NUP210: variants seen among roughly 807,000 people sequenced by gnomAD.
The protein encoded by NUP210 is nucleoporin 210.
Under a neutral mutation model 196.0 loss-of-function variants are expected in NUP210, and 151 were observed. The ratio of observed to expected loss-of-function variants is 0.77; its 90% CI spans 0.67 to 0.88. The LOEUF is 0.88. Ranked by LOEUF, NUP210 falls within the 40% of genes least tolerant of loss-of-function variation. The pLI is 0.00. For synonymous variants in NUP210, 1,070 were observed against 1,052.7 expected (o/e 1.02, Z -0.32); for missense variants, 2,314 against 2,493.7 (o/e 0.93, Z 1.53).
chr3:13,407,748 C>T (rs996840301), intron 1 of NUP210, among the ~76,000 whole-genome samples: 15 of 152,266 alleles, frequency 9.9e-5, no homozygotes, highest in African/African-American at 3.6e-4. Context: ...CTATCAGCTC[C>T]CATGGCACCG....
At chr3:13,376,470 G>A in intron 9 of NUP210, 39 bp from the exon 10 acceptor site, 2 of 1,610,554 alleles carry the variant, frequency 1.2e-6, no homozygotes, top group Non-Finnish European at 1.7e-6. Context: ...GTGCTTCTGG[G>A]GTGACTCCAG....
chr3:13,353,471 G>A, intron 18 of NUP210, 83 bp downstream of exon 18: 5 of 1,161,066 alleles, frequency 4.3e-6, no homozygotes, highest in Middle Eastern at 2.6e-4. Flanking sequence ...TCAGGACACT[G>A]TGATACCCGG....
At position 13,317,366 on chromosome 3, in the gene NUP210, A is replaced by T. The variant is rs1696310737; in HGVS notation, c.*315T>A. 3 of 368,814 alleles carry T rather than the reference A, an allele frequency of 8.1e-6. No homozygotes were observed. Among genetic ancestry groups the T allele is most frequent in the Non-Finnish European group, 1.5e-5 (3 of 198,708 alleles). 22.8% of individuals were successfully genotyped at this position (368,814 alleles called of 1,614,324 possible). A position where few individuals can be genotyped will look rare whatever the true frequency, so the allele number is the denominator to read the frequency against. On this transcript the variant is annotated 3_prime_UTR_variant, in exon 40 of 40. Transcript: ENST00000254508. ...GTCTTGAGAAGGGAAAGATTTTAGC[A>T]AGGCTAGGAAAATAAAAATGCAACA... is the stretch of plus-strand genomic sequence containing the variant.
At chr3:13,352,224 T>C (rs199606698) in intron 18 of NUP210, 40 bp from the exon 19 acceptor site, 1 of 1,479,326 alleles carries the variant, frequency 6.8e-7, no homozygotes, top group East Asian at 2.3e-5. Context: ...CAGGAGGACA[T>C]GATTAGGCTG....
In NUP210 at chr3:13,398,012, C is replaced by T. The variant is rs11715964; in HGVS notation, c.305-524G>A. On this transcript the variant is annotated intron_variant, in intron 2 of 39. Transcript: ENST00000254508. ...TGTAAATGGCATTACCTGGGGAACC[C>T]TCAAGTGTAAGGATAGCAGCAAGAG... Among the ~76,000 whole-genome samples the T allele has an allele frequency of 0.027, 4,071 of 152,276 alleles. 104 individuals carry two copies. The highest frequency in any genetic ancestry group is 0.039 in the Non-Finnish European group (2,650 of 68,028).
rs140077488 is a variant in NUP210, at chr3:13,321,819, T to C, written c.4932A>G (p.Ser1644=). 1,694 of 1,606,572 alleles carry C rather than the reference T, an allele frequency of 1.1e-3. 7 individuals carry two copies. The highest frequency in any genetic ancestry group is 1.7e-3 in the South Asian group (153 of 91,086). The part of the protein sequence containing the change: ...FDTALGQYFC[S]ITMHRLTDKQ... ...TGTCCGTCAGCCTGTGCATTGTGAT[T>C]GAGCAGAAGTACTGGCCTGCGAAGA... Residue 1644 remains serine (S), a synonymous_variant, in exon 36 of 40, where the codon TCA becomes TCG. Transcript: ENST00000254508.
intron 13 of NUP210, among the ~76,000 whole-genome samples, chr3:13,369,581 A>T (rs990904283): frequency 3.3e-5 from 5 of 152,146 alleles, no homozygotes; most frequent in Non-Finnish European, 7.4e-5. Flanking sequence ...ACTGTGACTT[A>T]ATTTTTGTGT....
intron 3 of NUP210, among the ~76,000 whole-genome samples, chr3:13,394,962 T>G (rs1397007641): frequency 6.6e-6 from 1 of 152,190 alleles, no homozygotes; most frequent in Non-Finnish European, 1.5e-5. Flanking sequence ...CATGATGCCC[T>G]CACAGTGGGC....
In NUP210 at chr3:13,336,883, C is replaced by G. The variant is rs977833461; in HGVS notation, c.3588G>C (p.Gln1196His). The change falls in exon 27 of 40, where the codon CAG becomes CAC. Residue 1196 changes from glutamine to histidine, a missense_variant. Transcript: ENST00000254508. The stretch of plus-strand genomic sequence containing the variant: ...CGGCATTGCCAAAGGAGAAAGGGTT[C>G]TGGTGGTTGGTGATGCCGGTGACAT... ...PIYVTGITNH[Q>H]NPFSFGNAVP... The G allele has an allele frequency of 6.2e-7, 1 of 1,613,782 alleles. No individual in the cohort carries two copies. The highest frequency in any genetic ancestry group is 1.7e-5 in the Admixed American group (1 of 60,020).
At chr3:13,363,181 A>C (rs1698424740) in intron 14 of NUP210, among the ~76,000 whole-genome samples, 1 of 152,204 alleles carries the variant, frequency 6.6e-6, no homozygotes, top group Non-Finnish European at 1.5e-5. Flanking sequence ...CTGCTGTTAG[A>C]AACTGTTATG....
At position 13,328,829 on chromosome 3, in the gene NUP210, C is replaced by T. The variant is rs769147767; in HGVS notation, c.4228G>A (p.Asp1410Asn). ...GCATGGAAGACATCTCCAGAGTTGT[C>T]GTGGAAGTGGACAGTGAAGGTCACG... ...MTVTFTVHFH[D>N]NSGDVFHAHS... The change falls in exon 31 of 40, where the codon GAC (aspartate) becomes AAC (asparagine). Residue 1410 changes from aspartate to asparagine, a missense_variant. By Grantham distance (23) the Asp-to-Asn change is conservative. Transcript: ENST00000254508. 65 of 1,614,040 alleles carry T rather than the reference C, an allele frequency of 4.0e-5. No individual in the cohort carries two copies. Among genetic ancestry groups the T allele is most frequent in the Admixed American group, 5.0e-5 (3 of 60,002 alleles).
At position 13,339,641 on chromosome 3, in the gene NUP210, G is replaced by T. The variant is rs1196415763; in HGVS notation, c.3471+213C>A. On this transcript the variant is annotated intron_variant, in intron 25 of 39. Transcript: ENST00000254508. ...CATAAGGAGCAGCTGGAAGGACTGG[G>T]AGACTCAGCTTGGAGAAGAACAACC... Among the ~76,000 whole-genome samples, 5 of 152,258 alleles carry T rather than the reference G, an allele frequency of 3.3e-5. No homozygotes were observed. The East Asian group carries it at 7.7e-4, about 23-fold the overall frequency.
At chr3:13,384,509 A>T (rs542618768) in intron 6 of NUP210, among the ~76,000 whole-genome samples, 1 of 152,358 alleles carries the variant, frequency 6.6e-6, no homozygotes, top group African/African-American at 2.4e-5. Context: ...ATGAGGCAGG[A>T]GGATGGCTTG....
At chr3:13,343,150 GC>G (rs1448749569) in intron 21 of NUP210, 24 bp downstream of exon 21, 1 of 1,612,976 alleles carries the variant, frequency 6.2e-7, no homozygotes, top group East Asian at 2.2e-5. Flanking sequence ...AGCCGAGGGT[GC>G]CCCGTCATGA....
Position 13,321,650 on chromosome 3 carries a change from T to C in NUP210, c.5101A>G (p.Ser1701Gly). 4 of 1,613,958 alleles carry C rather than the reference T, an allele frequency of 2.5e-6. No homozygotes were observed. Among genetic ancestry groups the C allele is most frequent in the Non-Finnish European group, 3.4e-6 (4 of 1,180,004 alleles). Residue 1701 changes from serine to glycine, a missense_variant, in exon 36 of 40, where the codon AGC becomes GGC. Transcript: ENST00000254508. The part of the protein sequence containing the change: ...LFADQAEILL[S>G]NHYTSSEIRV... ...ATCTCGGAACTGGTGTAGTGGTTGC[T>C]CAAAAGGATTTCAGCCTGGTCGGCG...
chr3:13,340,375 T>C lies in NUP210; in HGVS notation c.3229-77A>G, dbSNP rs1697424618. On this transcript the variant is annotated intron_variant, in intron 23 of 39. Transcript: ENST00000254508. The surrounding 1 kb of genome is among the most constrained non-coding windows in gnomAD (Gnocchi z 4.0). Reference sequence around the variant, plus strand: ...CCAAGCATAACTCACACACTACATGTTTCATGAGAGGAAAACCTGGGACAT... The same window carrying C: ...CCAAGCATAACTCACACACTACATGCTTCATGAGAGGAAAACCTGGGACAT... 7.6e-6 allele frequency: 10 copies of C among 1,317,158 alleles called. No homozygotes were observed. Among genetic ancestry groups the C allele is most frequent in the Non-Finnish European group, 9.8e-6 (9 of 917,872 alleles). The allele number at this position is 1,317,158 out of a possible 1,614,324, so 81.6% of individuals were successfully genotyped here.
intron 14 of NUP210, among the ~76,000 whole-genome samples, chr3:13,362,753 G>T (rs1698413329): frequency 6.6e-6 from 1 of 152,032 alleles, no homozygotes; most frequent in Non-Finnish European, 1.5e-5. Context: ...ACAGAGCCAG[G>T]CGTGGCCCCT....
rs1871810 is a variant in NUP210 at position 13,335,334 on chromosome 3, C to T, written c.3843+120G>A. The T allele has an allele frequency of 1.0e-2, 11,855 of 1,188,708 alleles. 826 individuals carry two copies. The African/African-American group carries it at 0.15, about 15-fold the overall frequency. 73.6% of individuals were successfully genotyped at this position (1,188,708 alleles called of 1,614,324 possible). Reference sequence around the variant, plus strand: ...CTGCGATGGACCACTGTCATCCCCACGGACTGAGAGCTTCTCAGGTCTCTC... The same window carrying T: ...CTGCGATGGACCACTGTCATCCCCATGGACTGAGAGCTTCTCAGGTCTCTC... On this transcript the variant is annotated intron_variant, in intron 28 of 39. Coordinates refer to ENST00000254508, the MANE Select transcript of NUP210 (RefSeq NM_024923.4).
Position 13,330,892 on chromosome 3 carries a change from C to T in NUP210, c.3936-258G>A, listed in dbSNP as rs1190711928. Among the ~76,000 whole-genome samples the T allele has an allele frequency of 2.6e-5, 4 of 152,180 alleles. No individual in the cohort carries two copies. In the East Asian group the frequency reaches 5.8e-4, roughly 22 times the overall value. Reference sequence around the variant, plus strand: ...TCACTCTTCCCAGAGCAGTGCCTGCCGTGGGTCAGCCAGCAGGGAGGGAGA... The same window carrying T: ...TCACTCTTCCCAGAGCAGTGCCTGCTGTGGGTCAGCCAGCAGGGAGGGAGA... On this transcript the variant is annotated intron_variant, in intron 29 of 39. Coordinates refer to ENST00000254508, the MANE Select transcript of NUP210 (RefSeq NM_024923.4).
Sources: gnomAD v4.1 joint callset for allele counts (sites outside exome capture counted in the v4.1 genomes callset) on GRCh38, gnomAD v4.1.1 for gene constraint, Gnocchi (gnomAD v3.1) non-coding constraint, MANE v1.5 for transcripts, NCBI Gene and HGNC (gene_info 2026-07-23, HGNC 2026-07-21) for gene names.